Variants in KIF6 observed in about 807,000 individuals in gnomAD.
KIF6 encodes kinesin family member 6.
In KIF6, 106 loss-of-function variants were observed where a neutral mutation model predicts 112.7. That is an observed-to-expected ratio of 0.94 (90% CI 0.80 to 1.11). KIF6 has a LOEUF of 1.11. Among genes scored for constraint, KIF6 ranks in the 50% least tolerant of loss-of-function variants. KIF6 has a pLI of 0.00. For missense variants in KIF6, 929 were observed against 964.0 expected (o/e 0.96, Z 0.48); for synonymous variants, 339 against 339.9 (o/e 1.00, Z 0.03).
chr6:39,598,248 T>A (rs1782383616), intron 6 of KIF6, among the ~76,000 whole-genome samples: 1 of 151,964 alleles, frequency 6.6e-6, no homozygotes, highest in South Asian at 2.1e-4. Context: ...TGAGAAAAAG[T>A]AAGCAAAGAA....
intron 13 of KIF6, among the ~76,000 whole-genome samples, chr6:39,440,701 A>C (rs145156990): frequency 5.3e-5 from 8 of 152,250 alleles, no homozygotes; most frequent in African/African-American, 1.7e-4. Flanking sequence ...AGGAAAAGGA[A>C]ATAAGGATTT....
intron 3 of KIF6, among the ~76,000 whole-genome samples, chr6:39,686,254 T>G (rs926516293): frequency 1.3e-5 from 2 of 152,246 alleles, no homozygotes; most frequent in Non-Finnish European, 2.9e-5. Flanking sequence ...CAAAAGGCAC[T>G]ACCACATTGA....
At chr6:39,472,989 C>T (rs1180198935) in intron 13 of KIF6, among the ~76,000 whole-genome samples, 1 of 151,858 alleles carries the variant, frequency 6.6e-6, no homozygotes, top group Non-Finnish European at 1.5e-5. Context: ...CAGGTTCAAG[C>T]GATTCTCCTG....
At chr6:39,686,095 G>T (rs1787848329) in intron 3 of KIF6, among the ~76,000 whole-genome samples, 1 of 152,126 alleles carries the variant, frequency 6.6e-6, no homozygotes, top group African/African-American at 2.4e-5. Flanking sequence ...GCAGATGAAA[G>T]AGCCTTTTGA....
intron 7 of KIF6, among the ~76,000 whole-genome samples, chr6:39,589,718 T>C (rs749453892): frequency 1.3e-5 from 2 of 152,166 alleles, no homozygotes; most frequent in Admixed American, 1.3e-4. Flanking sequence ...TCTGAGGCAG[T>C]TGCAGGGAAG....
Position 39,385,638 on chromosome 6 carries a change from T to C in KIF6, c.1845A>G (p.Ile615Met), listed in dbSNP as rs375315494. ...HLKEEITQRH[I>M]QQVALGISEN... ...TGTACCTACCTAGGGCTACTTGCTG[T>C]ATATGCCGCTGGGTGATTTCTTCCT... The change falls in exon 16 of 23, where the codon ATA (isoleucine) becomes ATG (methionine). Residue 615 changes from isoleucine (I) to methionine (M), a missense_variant. Ile to Met is a conservative substitution (Grantham distance 10, BLOSUM62 1). Around this residue, in one of 2 missense-constraint regions of KIF6, gnomAD observed 241 missense variants for 301.4 expected, o/e 0.80. Transcript: ENST00000287152. 6.2e-7 allele frequency: 1 copy of C among 1,613,594 alleles called. No homozygotes were observed. The highest frequency in any genetic ancestry group is 1.3e-5 in the African/African-American group (1 of 74,840).
intron 13 of KIF6, among the ~76,000 whole-genome samples, chr6:39,467,594 GGCTAAC>G (rs909062294): frequency 6.6e-6 from 1 of 152,096 alleles, no homozygotes; most frequent in Non-Finnish European, 1.5e-5. Context: ...CAAAATCATA[GGCTAAC>G]GCTAAGGGAA....
At chr6:39,680,904 T>C (rs936254112) in intron 3 of KIF6, among the ~76,000 whole-genome samples, 1 of 152,152 alleles carries the variant, frequency 6.6e-6, no homozygotes, top group African/African-American at 2.4e-5. Context: ...TAAAACACAG[T>C]GCTTGTCTTT....
chr6:39,588,589 GCTA>G (rs569810375), intron 7 of KIF6, among the ~76,000 whole-genome samples: 254 of 152,152 alleles, frequency 1.7e-3, no homozygotes, highest in African/African-American at 5.9e-3. Flanking sequence ...TCTTCCCTGT[GCTA>G]CTATCATCTT....
intron 3 of KIF6, among the ~76,000 whole-genome samples, chr6:39,644,139 C>T (rs1330505869): frequency 7.0e-6 from 1 of 142,434 alleles, no homozygotes; most frequent in African/African-American, 2.8e-5. Context: ...TGCAATTTCA[C>T]ACCCACTAGT....
At chr6:39,691,384 A>G (rs1177468543) in intron 3 of KIF6, 2 of 152,228 alleles carry the variant, frequency 1.3e-5, no homozygotes, top group Non-Finnish European at 2.9e-5. Flanking sequence ...GCAAGTGAAT[A>G]TATAAAAACT....
At position 39,337,161 on chromosome 6, in the gene KIF6, TTCTTTCCTTCC is replaced by T. The variant is rs1476558360; in HGVS notation, c.2429-624_2429-614del. Among the ~76,000 whole-genome samples the T allele has an allele frequency of 4.4e-5, 3 of 68,362 alleles. No homozygotes were observed. The African/African-American group carries it at 5.0e-4, about 11-fold the overall frequency. The allele number at this position is 68,362 out of a possible 152,430, so 44.8% of individuals were successfully genotyped here. A position where few individuals can be genotyped will look rare whatever the true frequency, so the allele number is the denominator to read the frequency against. Reference sequence around the variant, plus strand: ...CTTCCTTCCTTTCTCTTTCTTTTCTTTCTTTCCTTCCTTCTTTCTTTCTTTCTTTCTTTCTT... The same window carrying T: ...CTTCCTTCCTTTCTCTTTCTTTTCTTTTCTTTCTTTCTTTCTTTCTTTCTT... On this transcript the variant is annotated intron_variant, in intron 22 of 22. Coordinates refer to ENST00000287152, the MANE Select transcript of KIF6 (RefSeq NM_145027.6).
At chr6:39,518,273 G>A (rs979438945) in intron 13 of KIF6, among the ~76,000 whole-genome samples, 2 of 152,156 alleles carry the variant, frequency 1.3e-5, no homozygotes, top group African/African-American at 2.4e-5. Flanking sequence ...GTATGTGTGT[G>A]CTGTGTGGAC....
At chr6:39,641,331 C>A (rs950347334) in intron 3 of KIF6, among the ~76,000 whole-genome samples, 1 of 152,028 alleles carries the variant, frequency 6.6e-6, no homozygotes, top group Admixed American at 6.6e-5. Context: ...TTGATGAGTT[C>A]ATGTCCTTTG....
At chr6:39,356,459 T>C (rs34599012) in intron 19 of KIF6, among the ~76,000 whole-genome samples, 3,587 of 152,258 alleles carry the variant, frequency 0.024, 68 homozygotes, top group South Asian at 0.039. Context: ...AGAGACAGGC[T>C]TCCCCATGTT....
At chr6:39,568,056 T>A (rs781564109) in intron 10 of KIF6, among the ~76,000 whole-genome samples, 4 of 152,128 alleles carry the variant, frequency 2.6e-5, no homozygotes, top group Non-Finnish European at 5.9e-5. Context: ...AACAAATATT[T>A]ACTACTGAGA....
intron 20 of KIF6, chr6:39,346,274 A>G: frequency 1.5e-6 from 1 of 686,582 alleles, no homozygotes; most frequent in South Asian, 1.5e-5. Flanking sequence ...TGTCCCTGAA[A>G]AGTCATGTGT....
intron 13 of KIF6, among the ~76,000 whole-genome samples, chr6:39,464,188 G>GT (rs1376895340): frequency 2.0e-5 from 3 of 152,138 alleles, no homozygotes; most frequent in Non-Finnish European, 4.4e-5. Flanking sequence ...TGAAAGGGAG[G>GT]CATGAGGCAG....
intron 3 of KIF6, among the ~76,000 whole-genome samples, chr6:39,682,715 G>C (rs1042214277): frequency 1.2e-4 from 19 of 152,154 alleles, no homozygotes; most frequent in Admixed American, 1.1e-3. Flanking sequence ...GAGTAGCTGA[G>C]ATTATAGGTG....
Sources: allele counts gnomAD v4.1 joint callset (sites outside exome capture counted in the v4.1 genomes callset), GRCh38; gene constraint gnomAD v4.1.1; regional missense constraint gnomAD v4.1.1; transcripts MANE v1.5; gene names NCBI Gene and HGNC (gene_info 2026-07-23, HGNC 2026-07-21).